SAMD9: variants seen among roughly 807,000 people sequenced by gnomAD.
The protein encoded by SAMD9 is sterile alpha motif domain containing 9, also known as sterile alpha motif domain-containing protein 9.
In SAMD9, 3 loss-of-function variants were observed where a neutral mutation model predicts 1.5. The observed-to-expected ratio is 2.05, with a 90% CI of 0.93 to 5.29. SAMD9 has a LOEUF of 5.29. Among genes scored for constraint, SAMD9 ranks in the 30% most tolerant of loss-of-function variants. The pLI is 0.02. For missense variants in SAMD9, 1,597 were observed against 1,820.8 expected, an observed-to-expected ratio of 0.88 and a Z score of 2.24; for synonymous variants, 635 against 631.9, an observed-to-expected ratio of 1.00 and a Z score of -0.07.
intron 2 of SAMD9, among the ~76,000 whole-genome samples, chr7:93,113,862 T>A (rs1009200142): frequency 2.6e-5 from 4 of 152,208 alleles, no homozygotes; most frequent in Admixed American, 2.0e-4. Flanking sequence ...GACTGTAAAC[T>A]AGTTCAACCA....
chr7:93,105,191 A>C lies in SAMD9; in HGVS notation c.907T>G (p.Phe303Val). Residue 303 changes from phenylalanine to valine, a missense_variant, in exon 3 of 3, where the codon TTT becomes GTT. Phe to Val is a conservative substitution (Grantham distance 50, BLOSUM62 -1). Around this residue, in one of 6 missense-constraint regions of SAMD9, gnomAD observed 498 missense variants for 457.4 expected, o/e 1.09. Coordinates refer to ENST00000379958, the MANE Select transcript of SAMD9 (RefSeq NM_017654.4). ...GGAATAATGTCCACTTCAATAACAA[A>C]TCTGTCAGATAGAGTACTATTTGGC... ...LLPNSTLSDR[F>V]VIEVDIIPQF... 6.2e-7 allele frequency: 1 copy of C among 1,613,870 alleles called. No individual in the cohort carries two copies. Among genetic ancestry groups the C allele is most frequent in the Non-Finnish European group, 8.5e-7 (1 of 1,179,966 alleles).
rs780478950 is a variant in SAMD9, at chr7:93,102,271, A to T, written c.3827T>A (p.Val1276Asp). The change falls in exon 3 of 3, where the codon GTC becomes GAC. Residue 1276 changes from valine (V) to aspartate (D), a missense_variant. Physicochemically the swap from Val to Asp is radical, Grantham distance 152. Coordinates refer to ENST00000379958, the MANE Select transcript of SAMD9 (RefSeq NM_017654.4). ...AATATTGTTCCTGGGTTTTAGCAGG[A>T]CAAAGTATTCATCAAAAAAATCAAA... ...KSFDFFDEYFVLLKPRNNIKQ... is the reference protein window; with the variant it reads ...KSFDFFDEYFDLLKPRNNIKQ... The T allele has an allele frequency of 6.2e-6, 10 of 1,613,202 alleles. No individual in the cohort carries two copies. In the South Asian group the frequency reaches 9.9e-5, roughly 16 times the overall value.
intron 1 of SAMD9, among the ~76,000 whole-genome samples, chr7:93,116,138 T>C (rs111984583): frequency 4.6e-5 from 7 of 152,180 alleles, no homozygotes; most frequent in African/African-American, 1.7e-4. Context: ...CCAGTACCCT[T>C]TTCCTAGGGT....
chr7:93,105,608 A>G lies in SAMD9; in HGVS notation c.490T>C (p.Tyr164His), dbSNP rs1482501377. 1 of 1,614,188 alleles carries G rather than the reference A, an allele frequency of 6.2e-7. No individual in the cohort carries two copies. The highest frequency in any genetic ancestry group is 8.5e-7 in the Non-Finnish European group (1 of 1,180,020). The change falls in exon 3 of 3, where the codon TAT becomes CAT. Residue 164 changes from tyrosine to histidine, a missense_variant. By Grantham distance (83) the Tyr-to-His change is moderately conservative. Transcript: ENST00000379958. Reference sequence around the variant, plus strand: ...GGATTACTGAATTCATCAAATGGATATGATACACATGTCAGGTCTATGGAT... The same window carrying G: ...GGATTACTGAATTCATCAAATGGATGTGATACACATGTCAGGTCTATGGAT... ...QPSIDLTCVS[Y>H]PFDEFSNPYR...
chr7:93,110,407 C>T (rs1031594494), intron 2 of SAMD9, among the ~76,000 whole-genome samples: 2 of 152,132 alleles, frequency 1.3e-5, no homozygotes, highest in African/African-American at 4.8e-5. Context: ...AAATAACGAG[C>T]AAAAGAACCA....
rs772048217 is a variant in SAMD9 at position 93,103,816 on chromosome 7, G to A, written c.2282C>T (p.Ala761Val). ...LWELRKKFRC[A>V]VLKNKTVDFS... is the part of the protein sequence containing the mutation. ...ATCCACTGTCTTGTTTTTCAGCACAGCACATCTGAATTTCTTCCTTAGTTC... is the reference window on the plus strand; with the variant it reads ...ATCCACTGTCTTGTTTTTCAGCACAACACATCTGAATTTCTTCCTTAGTTC... The change falls in exon 3 of 3, where the codon GCT (alanine) becomes GTT (valine). Residue 761 changes from alanine (A) to valine (V), a missense_variant. Around this residue, in one of 6 missense-constraint regions of SAMD9, gnomAD observed 358 missense variants for 460.4 expected, o/e 0.78. Transcript: ENST00000379958. 6.2e-7 allele frequency: 1 copy of A among 1,613,944 alleles called. No homozygotes were observed. The highest frequency in any genetic ancestry group is 1.7e-5 in the Admixed American group (1 of 60,012).
chr7:93,110,632 C>T (rs561736281), intron 2 of SAMD9, among the ~76,000 whole-genome samples: 12 of 151,810 alleles, frequency 7.9e-5, no homozygotes, highest in East Asian at 5.8e-4. Flanking sequence ...AAATGGAAAA[C>T]GAAAAAAGGC....
At chr7:93,109,839 C>T (rs1035522650) in intron 2 of SAMD9, among the ~76,000 whole-genome samples, 7 of 152,134 alleles carry the variant, frequency 4.6e-5, no homozygotes, top group African/African-American at 1.7e-4. Context: ...GATTTGTGTA[C>T]CTGAAAGTGA....
Position 93,105,045 on chromosome 7 carries a change from G to A in SAMD9, c.1053C>T (p.Asp351=), listed in dbSNP as rs200454238. 2.1e-4 allele frequency: 332 copies of A among 1,613,690 alleles called. No individual in the cohort carries two copies. Among genetic ancestry groups the A allele is most frequent in the Non-Finnish European group, 2.7e-4 (318 of 1,179,936 alleles). The change falls in exon 3 of 3, where the codon GAC becomes GAT. Residue 351 remains aspartate (D), a synonymous_variant. Coordinates refer to ENST00000379958, the MANE Select transcript of SAMD9 (RefSeq NM_017654.4). ...TGAAATCAACTTTATTTTTCGTAATGTCCTTAGAGCTGGTCCCATCTCGCA... is the reference window on the plus strand; with the variant it reads ...TGAAATCAACTTTATTTTTCGTAATATCCTTAGAGCTGGTCCCATCTCGCA... The part of the protein sequence containing the change: ...LFVRDGTSSK[D]ITKNKVDFRA...
chr7:93,103,157 C>T lies in SAMD9; in HGVS notation c.2941G>A (p.Val981Ile). 6.2e-7 allele frequency: 1 copy of T among 1,613,848 alleles called. No homozygotes were observed. The highest frequency in any genetic ancestry group is 1.1e-5 in the South Asian group (1 of 91,080). The change falls in exon 3 of 3, where the codon GTA becomes ATA. Residue 981 changes from valine to isoleucine, a missense_variant. By Grantham distance (29) the Val-to-Ile change is conservative. This residue lies in a region of SAMD9 where 682 missense variants were observed against 810.0 expected (regional missense o/e 0.84). Coordinates refer to ENST00000379958, the MANE Select transcript of SAMD9 (RefSeq NM_017654.4). Reference sequence around the variant, plus strand: ...GCAATCAAAGAGTGAATGATGCGTACTCCACAGTAGTTCCCACATTCGATG... The same window carrying T: ...GCAATCAAAGAGTGAATGATGCGTATTCCACAGTAGTTCCCACATTCGATG... ...EVIECGNYCGVRIIHSLIAEF... is the reference protein window; with the variant it reads ...EVIECGNYCGIRIIHSLIAEF...
intron 1 of SAMD9, among the ~76,000 whole-genome samples, chr7:93,115,197 AC>A (rs1171850238): frequency 6.6e-6 from 1 of 152,236 alleles, no homozygotes; most frequent in Non-Finnish European, 1.5e-5. Flanking sequence ...CTACATGCCT[AC>A]CAGAATGGCT....
At chr7:93,107,423 T>TAAATAATTATTA (rs1791665290) in intron 2 of SAMD9, among the ~76,000 whole-genome samples, 1 of 152,214 alleles carries the variant, frequency 6.6e-6, no homozygotes, top group African/African-American at 2.4e-5. Flanking sequence ...ATTTGCAGAC[T>TAAATAATTATTA]ACTATCTGAA....
At position 93,101,322 on chromosome 7, in the gene SAMD9, AG is replaced by A. The variant is rs773948328; in HGVS notation, c.*5del. 6.2e-7 allele frequency: 1 copy of A among 1,606,786 alleles called. No homozygotes were observed. The highest frequency in any genetic ancestry group is 1.1e-5 in the South Asian group (1 of 90,998). On this transcript the variant is annotated 3_prime_UTR_variant, in exon 3 of 3. Transcript: ENST00000379958. ...ATCAAATTCTTGGAGGAAGAATATC[AG>A]GCTCTTAAACAATTTCAATGTCATA...
intron 2 of SAMD9, 86 bp downstream of exon 2, chr7:93,114,709 T>C (rs187087181): frequency 2.0e-5 from 3 of 152,206 alleles, no homozygotes. Flanking sequence ...ATAAGCAATA[T>C]TAGAAACTTT....
chr7:93,103,165 T>C lies in SAMD9; in HGVS notation c.2933A>G (p.Tyr978Cys), dbSNP rs1241697603. 2 of 1,613,898 alleles carry C rather than the reference T, an allele frequency of 1.2e-6. No individual in the cohort carries two copies. The highest frequency in any genetic ancestry group is 1.7e-6 in the Non-Finnish European group (2 of 1,179,806). Residue 978 changes from tyrosine to cysteine, a missense_variant, in exon 3 of 3, where the codon TAC becomes TGC. Transcript: ENST00000379958. ...AGAGTGAATGATGCGTACTCCACAG[T>C]AGTTCCCACATTCGATGACCTCTGT... ...IKTEVIECGNYCGVRIIHSLI... is the reference protein window; with the variant it reads ...IKTEVIECGNCCGVRIIHSLI...
Position 93,101,614 on chromosome 7 carries a change from T to C in SAMD9, c.4484A>G (p.Lys1495Arg). The C allele has an allele frequency of 1.2e-6, 2 of 1,613,916 alleles. No individual in the cohort carries two copies. Among genetic ancestry groups the C allele is most frequent in the Middle Eastern group, 3.3e-4 (2 of 6,062 alleles). ...CTTAAAGCACTGGTCAATTTTTCCT[T>C]TGTGAACAAGTCTTTCCAGTCTTTT... ...KGKRLERLVH[K>R]GKIDQCFKKT... The change falls in exon 3 of 3, where the codon AAA becomes AGA. Residue 1495 changes from lysine to arginine, a missense_variant. This residue lies in a region of SAMD9 where 682 missense variants were observed against 810.0 expected (regional missense o/e 0.84). Coordinates refer to ENST00000379958, the MANE Select transcript of SAMD9 (RefSeq NM_017654.4).
chr7:93,107,804 T>C (rs936191167), intron 2 of SAMD9, among the ~76,000 whole-genome samples: 3 of 152,236 alleles, frequency 2.0e-5, no homozygotes, highest in Non-Finnish European at 1.5e-5. Context: ...ATAAGCAACA[T>C]ACCTTACAGC....
In SAMD9 at chr7:93,102,057, G is replaced by C. The variant is rs1791540223; in HGVS notation, c.4041C>G (p.Leu1347=). 3.7e-6 allele frequency: 6 copies of C among 1,613,136 alleles called. No individual in the cohort carries two copies. Among genetic ancestry groups the C allele is most frequent in the Non-Finnish European group, 5.1e-6 (6 of 1,179,742 alleles). The stretch of plus-strand genomic sequence containing the variant: ...CTTGACTTTTGATAAGATATTCCAA[G>C]AGCCCAGAAAACTTGTCTGCTTTTA... ...VALKADKFSG[L]LEYLIKSQED... The change falls in exon 3 of 3, where the codon CTC becomes CTG. Residue 1347 remains leucine (L), a synonymous_variant. Coordinates refer to ENST00000379958, the MANE Select transcript of SAMD9 (RefSeq NM_017654.4).
At chr7:93,117,794 T>C (rs1791855220) in intron 1 of SAMD9, 69 bp downstream of exon 1, 1 of 152,214 alleles carries the variant, frequency 6.6e-6, no homozygotes, top group Admixed American at 6.5e-5. Context: ...GAAAAGTATA[T>C]TTCTTTCTAT....
Sources: gnomAD v4.1 joint callset for allele counts (sites outside exome capture counted in the v4.1 genomes callset) on GRCh38, gnomAD v4.1.1 for gene constraint, gnomAD v4.1.1 regional missense constraint, MANE v1.5 for transcripts, NCBI Gene and HGNC (gene_info 2026-07-23, HGNC 2026-07-21) for gene names.